CDH20: variants seen among roughly 807,000 people sequenced by gnomAD.
CDH20 encodes the protein cadherin-20.
A neutral mutation model predicts 74.2 loss-of-function variants in CDH20; 29 were observed. The observed-to-expected ratio is 0.39, with a 90% confidence interval of 0.29 to 0.53. The LOEUF is 0.53. Ranked by LOEUF, CDH20 falls within the 20% of genes least tolerant of loss-of-function variation. The probability of loss-of-function intolerance (pLI) is 0.69; values close to 1 mark genes in which losing one functional copy is unlikely to be tolerated. For synonymous variants in CDH20, 469 were observed against 405.4 expected, an observed-to-expected ratio of 1.16 and a Z score of -1.88; for missense variants, 988 against 1,048.3, an observed-to-expected ratio of 0.94 and a Z score of 0.79.
Position 61,555,105 on chromosome 18 carries a change from CT to C in CDH20, c.*412del. On this transcript the variant is annotated 3_prime_UTR_variant, in exon 12 of 12. Transcript: ENST00000262717. Reference sequence around the variant, plus strand: ...TTCTACTCTCGTATCTGTTTTTTATCTTATCTTATTCTCCATTTAAGAGTTT... The same window carrying C: ...TTCTACTCTCGTATCTGTTTTTTATCTATCTTATTCTCCATTTAAGAGTTT... 1 of 979,586 alleles carries C rather than the reference CT, an allele frequency of 1.0e-6. No homozygotes were observed. Among genetic ancestry groups the C allele is most frequent in the Non-Finnish European group, 1.2e-6 (1 of 816,648 alleles). 60.7% of individuals were successfully genotyped at this position (979,586 alleles called of 1,614,324 possible). A position where few individuals can be genotyped will look rare whatever the true frequency, so the allele number is the denominator to read the frequency against.
intron 1 of CDH20, among the ~76,000 whole-genome samples, chr18:61,384,345 A>G (rs1469387331): frequency 6.6e-6 from 1 of 152,190 alleles, no homozygotes; most frequent in Admixed American, 6.5e-5. Context: ...GCTAATTCTG[A>G]CAATAAGTTA....
At chr18:61,498,992 C>T (rs1911266035) in intron 2 of CDH20, among the ~76,000 whole-genome samples, 194 bp from the exon 3 acceptor site, 1 of 152,110 alleles carries the variant, frequency 6.6e-6, no homozygotes, top group Non-Finnish European at 1.5e-5. Flanking sequence ...GAAAATTTTA[C>T]TTAATCAACC....
intron 3 of CDH20, among the ~76,000 whole-genome samples, chr18:61,499,730 C>A (rs1911296965): frequency 6.6e-6 from 1 of 152,112 alleles, no homozygotes; most frequent in Admixed American, 6.5e-5. Context: ...TTTTTTAGTT[C>A]TGATTCTTTA....
In CDH20 at chr18:61,521,244, T is replaced by G. The variant is rs532522985; in HGVS notation, c.1018-6723T>G. On this transcript the variant is annotated intron_variant, in intron 6 of 11. Coordinates refer to ENST00000262717, the MANE Select transcript of CDH20 (RefSeq NM_031891.4). ...ACAATAAAAAATGATAAAGGGGATA[T>G]CACCACTGATCCCACAGAAATACAA... Among the ~76,000 whole-genome samples, 42 of 151,194 alleles carry G rather than the reference T, an allele frequency of 2.8e-4. 1 individual carries two copies. The highest frequency in any genetic ancestry group is 5.9e-4 in the Non-Finnish European group (40 of 67,976).
intron 1 of CDH20, among the ~76,000 whole-genome samples, chr18:61,395,876 T>C (rs1023899554): frequency 1.3e-5 from 2 of 152,136 alleles, no homozygotes; most frequent in African/African-American, 4.8e-5. Flanking sequence ...CTACTGAAAA[T>C]ACAAAAATTA....
chr18:61,545,883 A>G (rs1568185588), intron 10 of CDH20, among the ~76,000 whole-genome samples: 1 of 152,166 alleles, frequency 6.6e-6, no homozygotes, highest in East Asian at 1.9e-4. Context: ...TATAGCTTTG[A>G]TGGAACAGAA....
Position 61,536,638 on chromosome 18 carries a change from C to T in CDH20, c.1408+9C>T, listed in dbSNP as rs928744592. On this transcript the variant is annotated intron_variant, in intron 8 of 11. Transcript: ENST00000262717. Reference sequence around the variant, plus strand: ...CCTTGCTATGGAAATGAGTAAGTAGCACAGTAAGTTGGTCTCCATGCAGTG... The same window carrying T: ...CCTTGCTATGGAAATGAGTAAGTAGTACAGTAAGTTGGTCTCCATGCAGTG... The T allele has an allele frequency of 6.2e-7, 1 of 1,612,650 alleles. No individual in the cohort carries two copies. Among genetic ancestry groups the T allele is most frequent in the Non-Finnish European group, 8.5e-7 (1 of 1,178,910 alleles).
chr18:61,479,250 T>C lies in CDH20; in HGVS notation c.-152-11152T>C, dbSNP rs112158120. 4.0e-3 allele frequency among the ~76,000 whole-genome samples: 607 copies of C among 152,196 alleles called. 5 individuals are homozygous for C. The highest frequency in any genetic ancestry group is 0.014 in the African/African-American group (565 of 41,550). On this transcript the variant is annotated intron_variant, in intron 1 of 11. Transcript: ENST00000262717. ...ACCCAAGATGGCTCTGAAAGACTTATAATAAAAGGAAAAACCATCCCCTGC... is the reference window on the plus strand; with the variant it reads ...ACCCAAGATGGCTCTGAAAGACTTACAATAAAAGGAAAAACCATCCCCTGC...
chr18:61,484,442 C>G (rs1397028142), intron 1 of CDH20, among the ~76,000 whole-genome samples: 1 of 152,062 alleles, frequency 6.6e-6, no homozygotes, highest in African/African-American at 2.4e-5. Flanking sequence ...GGATCAGTAA[C>G]AATCTATTCG....
intron 1 of CDH20, among the ~76,000 whole-genome samples, chr18:61,344,605 G>A (rs983298355): frequency 1.3e-5 from 2 of 152,114 alleles, no homozygotes; most frequent in Non-Finnish European, 2.9e-5. Flanking sequence ...GCTGCTTTCT[G>A]TTAACCATGA....
chr18:61,356,048 G>A (rs1484165547), intron 1 of CDH20, among the ~76,000 whole-genome samples: 1 of 152,086 alleles, frequency 6.6e-6, no homozygotes, highest in Admixed American at 6.5e-5. Context: ...GGTGGGCTGG[G>A]GAAGAGTAAA....
At chr18:61,411,580 G>GTATA (rs145701176) in intron 1 of CDH20, among the ~76,000 whole-genome samples, 2 of 149,842 alleles carry the variant, frequency 1.3e-5, no homozygotes, top group African/African-American at 5.0e-5. Context: ...GTGTGTGTGT[G>GTATA]TATATATATA....
At chr18:61,525,045 G>A (rs1186774634) in intron 6 of CDH20, among the ~76,000 whole-genome samples, 3 of 145,384 alleles carry the variant, frequency 2.1e-5, no homozygotes, top group African/African-American at 7.5e-5. Context: ...TGACATTCTT[G>A]CAATAGAGAC....
Position 61,442,370 on chromosome 18 carries a change from G to GAAA in CDH20, c.-152-48020_-152-48018dup, listed in dbSNP as rs35527064. 4.2e-3 allele frequency among the ~76,000 whole-genome samples: 591 copies of GAAA among 142,252 alleles called. 1 individual carries two copies. The highest frequency in any genetic ancestry group is 0.014 in the African/African-American group (540 of 38,336). The allele number at this position is 142,252 out of a possible 152,430, so 93.3% of individuals were successfully genotyped here. ...TGTCTTAAAAAAAAGAAAAAGAAAA[G>GAAA]AAAAAAAAAAAAAACAGAAGCAAAT... is the stretch of plus-strand genomic sequence containing the variant. On this transcript the variant is annotated intron_variant, in intron 1 of 11. Transcript: ENST00000262717.
At position 61,502,937 on chromosome 18, in the gene CDH20, C is replaced by A. The variant is rs2144322467; in HGVS notation, c.662-16C>A. 6.4e-7 allele frequency: 1 copy of A among 1,574,798 alleles called. No homozygotes were observed. The highest frequency in any genetic ancestry group is 2.3e-5 in the East Asian group (1 of 44,052). On this transcript the variant is annotated splice_polypyrimidine_tract_variant and intron_variant, in intron 4 of 11. Transcript: ENST00000262717. ...GTGGTTTTATTTTTATAAACAAAGT[C>A]ATTTCTATCCTCCAGGTGTAATTAG...
chr18:61,393,130 T>A (rs1911849536), intron 1 of CDH20, among the ~76,000 whole-genome samples: 1 of 152,188 alleles, frequency 6.6e-6, no homozygotes, highest in Admixed American at 6.5e-5. Context: ...GATTCCAGAT[T>A]TCTTCTTCTT....
intron 1 of CDH20, among the ~76,000 whole-genome samples, chr18:61,420,475 T>C (rs1169930878): frequency 6.6e-6 from 1 of 152,136 alleles, no homozygotes; most frequent in Non-Finnish European, 1.5e-5. Flanking sequence ...ATATACTTGC[T>C]GAAATTCAGC....
chr18:61,551,794 C>T (rs1913445182), intron 11 of CDH20, among the ~76,000 whole-genome samples: 1 of 152,130 alleles, frequency 6.6e-6, no homozygotes, highest in Non-Finnish European at 1.5e-5. Flanking sequence ...GACTGGCTGT[C>T]CTTACTTCTA....
In CDH20 at chr18:61,500,373, T is replaced by A. The variant is rs781105714; in HGVS notation, c.542-10T>A. ...GACTTGAACAGGTTTCTACCTCTTC[T>A]CTTCCCCAGGTACCTCCGTCATCCA... On this transcript the variant is annotated splice_polypyrimidine_tract_variant and intron_variant, in intron 3 of 11. Coordinates refer to ENST00000262717, the MANE Select transcript of CDH20 (RefSeq NM_031891.4). The A allele has an allele frequency of 6.2e-7, 1 of 1,611,450 alleles. No homozygotes were observed. Among genetic ancestry groups the A allele is most frequent in the Non-Finnish European group, 8.5e-7 (1 of 1,178,322 alleles).
Sources: allele counts gnomAD v4.1 joint callset (sites outside exome capture counted in the v4.1 genomes callset), GRCh38; gene constraint gnomAD v4.1.1; transcripts MANE v1.5; gene names NCBI Gene and HGNC (gene_info 2026-07-23, HGNC 2026-07-21).